PDE8B: variants seen among roughly 807,000 people sequenced by gnomAD.
The protein encoded by PDE8B is phosphodiesterase 8B.
In PDE8B, 26 loss-of-function variants were observed where a neutral mutation model predicts 101.3. That is an observed-to-expected ratio of 0.26 (90% confidence interval 0.19 to 0.36). The LOEUF (loss-of-function observed/expected upper bound fraction) is 0.36. PDE8B is among the 10% of genes least tolerant of loss of function. PDE8B has a pLI of 1.00. For missense variants in PDE8B, 810 were observed against 1,163.1 expected (o/e 0.70, Z 4.42); for synonymous variants, 424 against 429.3 (o/e 0.99, Z 0.15).
intron 10 of PDE8B, among the ~76,000 whole-genome samples, chr5:77,384,625 T>C (rs1464328828): frequency 6.6e-6 from 1 of 152,194 alleles, no homozygotes; most frequent in East Asian, 1.9e-4. Flanking sequence ...TAAATAGCTG[T>C]TACTATTTTG....
At chr5:77,375,086 A>G (rs1012071364) in intron 10 of PDE8B, among the ~76,000 whole-genome samples, 10 of 152,216 alleles carry the variant, frequency 6.6e-5, no homozygotes, top group Non-Finnish European at 1.0e-4. Flanking sequence ...AACTTTTACA[A>G]TAGCTGCCAT....
intron 10 of PDE8B, among the ~76,000 whole-genome samples, chr5:77,363,485 G>A (rs1314347025): frequency 2.6e-5 from 4 of 152,022 alleles, no homozygotes; most frequent in Non-Finnish European, 4.4e-5. Flanking sequence ...AGGCCGAGGT[G>A]GGCGGATCAC....
At chr5:77,382,250 TAATTTCTG>T (rs1787635962) in intron 10 of PDE8B, among the ~76,000 whole-genome samples, 1 of 151,632 alleles carries the variant, frequency 6.6e-6, no homozygotes, top group Non-Finnish European at 1.5e-5. Context: ...GCAGCCCATC[TAATTTCTG>T]ACAGATTTCC....
rs1405825385 is a variant in PDE8B at position 77,426,660 on chromosome 5, G to A, written c.*106G>A. The A allele has an allele frequency of 4.1e-6, 3 of 724,006 alleles. No individual in the cohort carries two copies. The East Asian group carries it at 8.0e-5, about 19-fold the overall frequency. The allele number at this position is 724,006 out of a possible 1,614,324, so 44.8% of individuals were successfully genotyped here. A position where few individuals can be genotyped will look rare whatever the true frequency, so the allele number is the denominator to read the frequency against. On this transcript the variant is annotated 3_prime_UTR_variant, in exon 22 of 22. Transcript: ENST00000264917. ...AATGACAATGACAGGTATTGGTGAA[G>A]GAGCTAATGTTTAATATTTGACCTT...
At chr5:77,125,029 C>T in the PDE8B span, among the ~76,000 whole-genome samples, 1 of 152,196 alleles carries the variant, frequency 6.6e-6, no homozygotes, top group Non-Finnish European at 1.5e-5. Flanking sequence ...CTTGCTCTGT[C>T]ACCCAAGCTG....
chr5:77,385,327 A>G (rs1177601352), intron 10 of PDE8B, among the ~76,000 whole-genome samples: 1 of 151,690 alleles, frequency 6.6e-6, no homozygotes, highest in Non-Finnish European at 1.5e-5. Flanking sequence ...ATACCCCTTT[A>G]TGATTTTTTA....
At chr5:77,343,205 C>T (rs983366232) in intron 6 of PDE8B, among the ~76,000 whole-genome samples, 1 of 152,084 alleles carries the variant, frequency 6.6e-6, no homozygotes, top group South Asian at 2.1e-4. Context: ...TATTATTAAC[C>T]CTCTTAGTCT....
intron 10 of PDE8B, among the ~76,000 whole-genome samples, chr5:77,365,505 T>A (rs1783950189): frequency 6.6e-6 from 1 of 152,102 alleles, no homozygotes; most frequent in Non-Finnish European, 1.5e-5. Context: ...CTGCCAGGGG[T>A]AGGGACCATG....
the PDE8B span, among the ~76,000 whole-genome samples, chr5:77,192,898 A>G: frequency 1.3e-5 from 2 of 152,000 alleles, no homozygotes; most frequent in African/African-American, 2.4e-5. Flanking sequence ...CTGGTATCTC[A>G]TTGTGGTTTT....
rs71606290 is a variant in PDE8B, at chr5:77,397,026, A to ATTTTTTTTTTTTTTTTTTTT, written c.1168-3217_1168-3198dup. ...TTGGTTTCTATATTTCCGATAAGAA[A>ATTTTTTTTTTTTTTTTTTTT]TTTTTTTTTTTTTTTTTTTTTTTTG... On this transcript the variant is annotated intron_variant, in intron 10 of 21. Transcript: ENST00000264917. 6.0e-4 allele frequency among the ~76,000 whole-genome samples: 51 copies of ATTTTTTTTTTTTTTTTTTTT among 84,404 alleles called. 5 individuals are homozygous for ATTTTTTTTTTTTTTTTTTTT. The highest frequency in any genetic ancestry group is 2.4e-3 in the African/African-American group (43 of 18,230). The allele number at this position is 84,404 out of a possible 152,430, so 55.4% of individuals were successfully genotyped here.
chr5:77,200,947 C>A, the PDE8B span, among the ~76,000 whole-genome samples: 2 of 152,156 alleles, frequency 1.3e-5, no homozygotes, highest in African/African-American at 4.8e-5. Context: ...AAATGTCAAA[C>A]CCCAAGAAGG....
chr5:77,407,859 G>A lies in PDE8B; in HGVS notation c.1365+402G>A, dbSNP rs1173654234. Among the ~76,000 whole-genome samples the A allele has an allele frequency of 3.3e-5, 5 of 152,318 alleles. No individual in the cohort carries two copies. In the East Asian group the frequency reaches 5.8e-4, roughly 18 times the overall value. ...ACATTTAAGGAGCTGAAAGAAAGTCGGAGTGGCCGGAGCTTGGTAAGCAGG... is the reference window on the plus strand; with the variant it reads ...ACATTTAAGGAGCTGAAAGAAAGTCAGAGTGGCCGGAGCTTGGTAAGCAGG... On this transcript the variant is annotated intron_variant, in intron 13 of 21. Transcript: ENST00000264917.
intron 1 of PDE8B, among the ~76,000 whole-genome samples, chr5:77,248,042 T>C (rs79014684): frequency 0.013 from 1,922 of 152,284 alleles, 35 homozygotes; most frequent in African/African-American, 0.044. Flanking sequence ...CCAGGCCTGT[T>C]CATCCCCCAT....
chr5:77,420,153 C>T (rs1452565496), intron 19 of PDE8B, among the ~76,000 whole-genome samples: 11 of 152,202 alleles, frequency 7.2e-5, no homozygotes, highest in African/African-American at 9.6e-5. Context: ...TGGAAGGAGA[C>T]GCAGACGAAC....
At chr5:77,373,842 G>A (rs947061891) in intron 10 of PDE8B, among the ~76,000 whole-genome samples, 1 of 151,924 alleles carries the variant, frequency 6.6e-6, no homozygotes, top group African/African-American at 2.4e-5. Flanking sequence ...CTTTATAGCT[G>A]GTGATACTAT....
the PDE8B span, among the ~76,000 whole-genome samples, chr5:77,102,108 G>T: frequency 1.3e-5 from 2 of 152,202 alleles, no homozygotes; most frequent in Admixed American, 1.3e-4. Context: ...ACCCTCAGCT[G>T]CCCTCCCTGG....
At chr5:77,200,178 C>T in the PDE8B span, among the ~76,000 whole-genome samples, 3 of 151,828 alleles carry the variant, frequency 2.0e-5, no homozygotes, top group Non-Finnish European at 4.4e-5. Context: ...CAACAAAAAC[C>T]AGAAACAATG....
chr5:77,263,513 T>C (rs1761050051), intron 1 of PDE8B, among the ~76,000 whole-genome samples: 1 of 152,228 alleles, frequency 6.6e-6, no homozygotes, highest in Non-Finnish European at 1.5e-5. Flanking sequence ...GATTTTTCTC[T>C]ACTGAAAAAT....
the PDE8B span, among the ~76,000 whole-genome samples, chr5:77,096,840 G>A: frequency 6.6e-6 from 1 of 152,100 alleles, no homozygotes; most frequent in East Asian, 1.9e-4. Context: ...TATTGGATTA[G>A]GACCCACCCT....
Sources: allele counts gnomAD v4.1 joint callset (sites outside exome capture counted in the v4.1 genomes callset), GRCh38; gene constraint gnomAD v4.1.1; transcripts MANE v1.5; gene names NCBI Gene and HGNC (gene_info 2026-07-23, HGNC 2026-07-21).